ASIC5: variants seen among roughly 807,000 people sequenced by gnomAD.
The protein encoded by ASIC5 is bile acid-sensitive ion channel.
A neutral mutation model predicts 51.2 loss-of-function variants in ASIC5; 52 were observed. The observed-to-expected ratio is 1.02, with a 90% CI of 0.81 to 1.28. The LOEUF is 1.28. Ranked by LOEUF, ASIC5 falls within the 50% of genes most tolerant of loss-of-function variation. The pLI is 0.00. For synonymous variants in ASIC5, 231 were observed against 200.7 expected (o/e 1.15, Z -1.28); for missense variants, 635 against 595.0 (o/e 1.07, Z -0.70).
intron 8 of ASIC5, among the ~76,000 whole-genome samples, chr4:155,836,233 G>C (rs1650716799): frequency 6.6e-6 from 1 of 151,976 alleles, no homozygotes; most frequent in African/African-American, 2.4e-5. Flanking sequence ...CTTCTTTCTG[G>C]GCCCCTGACT....
chr4:155,853,697 T>C (rs1459306006), intron 3 of ASIC5, among the ~76,000 whole-genome samples: 2 of 150,348 alleles, frequency 1.3e-5, no homozygotes, highest in East Asian at 1.9e-4. Flanking sequence ...TCTAATGCAA[T>C]ACCATAAGCA....
At chr4:155,852,163 TG>T in intron 4 of ASIC5, 27 bp downstream of exon 4, 1 of 1,611,368 alleles carries the variant, frequency 6.2e-7, no homozygotes, top group Non-Finnish European at 8.5e-7. Flanking sequence ...CATTCTCGTT[TG>T]TCTTGAACCT....
rs200244304 is a variant in ASIC5, at chr4:155,852,325, T to C, written c.586-9A>G. 169 of 1,577,400 alleles carry C rather than the reference T, an allele frequency of 1.1e-4. 1 individual carries two copies. Among genetic ancestry groups the C allele is most frequent in the Middle Eastern group, 1.7e-4 (1 of 5,960 alleles). ...AAGACATGTGCAAAATCCTCCAATA[T>C]GTAAATGAACCAAAAAAAACCATCA... On this transcript the variant is annotated splice_polypyrimidine_tract_variant and intron_variant, in intron 3 of 9. Transcript: ENST00000537611.
At chr4:155,850,434 C>T (rs4691113) in intron 4 of ASIC5, among the ~76,000 whole-genome samples, 148,420 of 152,096 alleles carry the variant, frequency 0.98, 72,452 homozygotes, top group East Asian at 1. Flanking sequence ...CTGACTACCC[C>T]GGACTACCTC....
At chr4:155,857,826 T>C (rs1741584943) in intron 2 of ASIC5, among the ~76,000 whole-genome samples, 1 of 152,168 alleles carries the variant, frequency 6.6e-6, no homozygotes, top group Non-Finnish European at 1.5e-5. Flanking sequence ...CAAATTTTAA[T>C]GTCTTACCAT....
In ASIC5 at chr4:155,854,204, T is replaced by G; in HGVS notation, c.458A>C (p.Glu153Ala). 1 of 1,613,248 alleles carries G rather than the reference T, an allele frequency of 6.2e-7. No homozygotes were observed. Among genetic ancestry groups the G allele is most frequent in the Non-Finnish European group, 8.5e-7 (1 of 1,179,494 alleles). Residue 153 changes from glutamate to alanine, a missense_variant, in exon 3 of 10, where the codon GAG becomes GCG. Physicochemically the swap from Glu to Ala is moderately radical, Grantham distance 107. Coordinates refer to ENST00000537611, the MANE Select transcript of ASIC5 (RefSeq NM_017419.3). ...EITANSTGSREATDFAASHQN... is the reference protein window; with the variant it reads ...EITANSTGSRAATDFAASHQN... ...GTGACTTGCAGCAAAATCAGTAGCC[T>G]CTCTAGAGCCAGTGGAATTGGCAGT...
rs543065793 is a variant in ASIC5 at position 155,845,492 on chromosome 4, T to C, written c.712-1662A>G. Among the ~76,000 whole-genome samples, 8 of 151,760 alleles carry C rather than the reference T, an allele frequency of 5.3e-5. No homozygotes were observed. In the East Asian group the frequency reaches 1.6e-3, roughly 30 times the overall value. The stretch of plus-strand genomic sequence containing the variant: ...TATTGCAACAGAGGCTAATCTTGGG[T>C]TTTTAAGGAAGAGTGTAGTTAAGAC... On this transcript the variant is annotated intron_variant, in intron 4 of 9. Coordinates refer to ENST00000537611, the MANE Select transcript of ASIC5 (RefSeq NM_017419.3).
intron 7 of ASIC5, among the ~76,000 whole-genome samples, chr4:155,837,327 T>C (rs958291635): frequency 6.6e-6 from 1 of 152,190 alleles, no homozygotes; most frequent in African/African-American, 2.4e-5. Flanking sequence ...TCCTGAGTAT[T>C]TGCAGTTCCT....
intron 8 of ASIC5, among the ~76,000 whole-genome samples, chr4:155,832,867 T>A (rs528966943): frequency 6.6e-6 from 1 of 152,068 alleles, no homozygotes; most frequent in African/African-American, 2.4e-5. Context: ...TGCTAACTGG[T>A]CTTTCTGTTT....
intron 4 of ASIC5, among the ~76,000 whole-genome samples, chr4:155,847,967 A>G (rs1479221074): frequency 6.6e-6 from 1 of 152,110 alleles, no homozygotes; most frequent in Non-Finnish European, 1.5e-5. Context: ...TTCTTGAAGC[A>G]TTAACTAACT....
At chr4:155,833,878 G>A (rs1740923407) in intron 8 of ASIC5, among the ~76,000 whole-genome samples, 1 of 152,096 alleles carries the variant, frequency 6.6e-6, no homozygotes, top group Non-Finnish European at 1.5e-5. Context: ...GGATTTAACA[G>A]GATTTGAGTC....
In ASIC5 at chr4:155,831,739, A is replaced by T; in HGVS notation, c.1327+85T>A. 3.5e-6 allele frequency: 3 copies of T among 852,192 alleles called. 1 individual carries two copies. Among genetic ancestry groups the T allele is most frequent in the Non-Finnish European group, 5.6e-6 (3 of 537,708 alleles). 52.8% of individuals were successfully genotyped at this position (852,192 alleles called of 1,614,324 possible). On this transcript the variant is annotated intron_variant, in intron 9 of 9. Coordinates refer to ENST00000537611, the MANE Select transcript of ASIC5 (RefSeq NM_017419.3). ...CAGTAAGCCAAGATGGCGCCACTGCACTCCAGCCTGGGCTACAGAGCGAGA... is the reference window on the plus strand; with the variant it reads ...CAGTAAGCCAAGATGGCGCCACTGCTCTCCAGCCTGGGCTACAGAGCGAGA...
chr4:155,832,162 A>T (rs1362105102), intron 8 of ASIC5, among the ~76,000 whole-genome samples: 4 of 152,246 alleles, frequency 2.6e-5, no homozygotes, highest in African/African-American at 9.6e-5. Context: ...AAGACATTAA[A>T]TGTAAATATC....
At chr4:155,856,919 AC>A (rs1362762821) in intron 2 of ASIC5, among the ~76,000 whole-genome samples, 1 of 152,080 alleles carries the variant, frequency 6.6e-6, no homozygotes, top group African/African-American at 2.4e-5. Flanking sequence ...AATACAATCT[AC>A]AAAAAAGTTA....
At chr4:155,858,311 C>T (rs1046841539) in intron 2 of ASIC5, among the ~76,000 whole-genome samples, 10 of 151,952 alleles carry the variant, frequency 6.6e-5, no homozygotes, top group African/African-American at 2.4e-4. Flanking sequence ...ATAACCATTG[C>T]TTCATGTGAA....
chr4:155,834,358 G>A (rs925214723), intron 8 of ASIC5, among the ~76,000 whole-genome samples: 2 of 152,070 alleles, frequency 1.3e-5, no homozygotes, highest in Admixed American at 6.5e-5. Context: ...CACATTTGCC[G>A]TCCTGACAAA....
At chr4:155,853,394 C>T (rs927036571) in intron 3 of ASIC5, among the ~76,000 whole-genome samples, 3 of 151,826 alleles carry the variant, frequency 2.0e-5, no homozygotes, top group South Asian at 4.2e-4. Flanking sequence ...ATTGCTGATA[C>T]GGGAAATACG....
chr4:155,852,367 A>T, intron 3 of ASIC5, 51 bp from the exon 4 acceptor site: 4 of 1,549,838 alleles, frequency 2.6e-6, no homozygotes, highest in Middle Eastern at 1.7e-4. Flanking sequence ...TATTTTTGTC[A>T]CTTCTCAAGT....
At chr4:155,830,097 AAT>A in intron 9 of ASIC5, 51 bp from the exon 10 acceptor site, 1 of 1,311,466 alleles carries the variant, frequency 7.6e-7, no homozygotes, top group Non-Finnish European at 1.0e-6. Context: ...ATAAAAAACA[AAT>A]ATTATTAGAA....
Sources: gnomAD v4.1 joint callset for allele counts (sites outside exome capture counted in the v4.1 genomes callset) on GRCh38, gnomAD v4.1.1 for gene constraint, MANE v1.5 for transcripts, NCBI Gene and HGNC (gene_info 2026-07-23, HGNC 2026-07-21) for gene names.